The following SLC36A1 variants were observed in gnomAD, a reference collection of about 807,000 sequenced individuals.
SLC36A1 encodes proton-coupled amino acid transporter 1.
Under a neutral mutation model 47.5 loss-of-function variants are expected in SLC36A1, and 30 were observed. That is an observed-to-expected ratio of 0.63 (90% confidence interval 0.47 to 0.86). SLC36A1 has a LOEUF of 0.86. SLC36A1 is among the 40% of genes least tolerant of loss of function. The pLI is 0.00. For missense variants in SLC36A1, 517 were observed against 606.0 expected, an observed-to-expected ratio of 0.85 and a Z score of 1.54; for synonymous variants, 255 against 249.7, an observed-to-expected ratio of 1.02 and a Z score of -0.20.
rs1329901405 is a variant in SLC36A1, at chr5:151,476,708, T to C, written c.941T>C (p.Phe314Ser). The C allele has an allele frequency of 6.2e-7, 1 of 1,613,292 alleles. No homozygotes were observed. Among genetic ancestry groups the C allele is most frequent in the East Asian group, 2.2e-5 (1 of 44,876 alleles). ...ISLGCLGYLQFGANIQGSITL... is the reference protein window; with the variant it reads ...ISLGCLGYLQSGANIQGSITL... ...CTGGGGTGTCTGGGGTACCTGCAAT[T>C]TGGAGCTAATATCCAAGGCAGCATA... Residue 314 changes from phenylalanine (F) to serine (S), a missense_variant, in exon 9 of 11, where the codon TTT becomes TCT. Coordinates refer to ENST00000243389, the MANE Select transcript of SLC36A1 (RefSeq NM_078483.4).
the SLC36A1 span, chr5:151,549,502 G>A: frequency 1.9e-6 from 3 of 1,614,054 alleles, no homozygotes; most frequent in Non-Finnish European, 2.5e-6. Context: ...TCCTGGTCTC[G>A]GACCTATGGG....
chr5:151,347,231 G>A, the SLC36A1 span: 1 of 1,595,804 alleles, frequency 6.3e-7, no homozygotes, highest in Non-Finnish European at 8.6e-7. Flanking sequence ...ACCCACCTCA[G>A]GGTTTTTGCC....
At chr5:151,543,675 G>A in the SLC36A1 span, 6 of 1,614,038 alleles carry the variant, frequency 3.7e-6, no homozygotes, top group Admixed American at 1.7e-5. Context: ...CCTCATAAAG[G>A]TGCTGCTGGA....
upstream of SLC36A1, among the ~76,000 whole-genome samples, chr5:151,436,050 T>TA (rs1184061227): frequency 5.9e-5 from 9 of 151,920 alleles, no homozygotes; most frequent in East Asian, 1.7e-3. Flanking sequence ...ACCTACTATG[T>TA]AATAGGCAAT....
At chr5:151,553,322 G>A in the SLC36A1 span, 1 of 1,614,272 alleles carries the variant, frequency 6.2e-7, no homozygotes, top group Non-Finnish European at 8.5e-7. Flanking sequence ...GGGGCCAAGG[G>A]ATCCACTCAA....
the SLC36A1 span, among the ~76,000 whole-genome samples, chr5:151,362,252 CT>C: frequency 7.9e-3 from 1,195 of 152,052 alleles, 4 homozygotes; most frequent in Non-Finnish European, 0.01. Context: ...ATTCTGTTTT[CT>C]TTTTTTCCCC....
chr5:151,361,712 G>GT, the SLC36A1 span, among the ~76,000 whole-genome samples: 1 of 151,996 alleles, frequency 6.6e-6, no homozygotes, highest in Non-Finnish European at 1.5e-5. Context: ...AGATATTAGT[G>GT]TTTTTTTCTT....
chr5:151,452,645 G>A (rs1192587813), intron 1 of SLC36A1, among the ~76,000 whole-genome samples: 2 of 152,154 alleles, frequency 1.3e-5, no homozygotes, highest in African/African-American at 4.8e-5. Flanking sequence ...GAGACAGGTG[G>A]ATCCCTTGAG....
upstream of SLC36A1, among the ~76,000 whole-genome samples, chr5:151,445,960 G>GT (rs1752892415): frequency 6.7e-6 from 1 of 148,864 alleles, no homozygotes; most frequent in Non-Finnish European, 1.5e-5. Context: ...TTTTTTTTCT[G>GT]TTGTCTATTT....
chr5:151,445,028 A>G (rs1298720336), upstream of SLC36A1, among the ~76,000 whole-genome samples: 1 of 151,882 alleles, frequency 6.6e-6, no homozygotes, highest in Non-Finnish European at 1.5e-5. Flanking sequence ...CTGCTACTGG[A>G]TCTTGGTGGA....
At chr5:151,516,698 T>C in the SLC36A1 span, among the ~76,000 whole-genome samples, 1 of 152,232 alleles carries the variant, frequency 6.6e-6, no homozygotes, top group Non-Finnish European at 1.5e-5. Context: ...TCTGTCTTTT[T>C]CACTGATGAG....
At chr5:151,392,996 G>A in the SLC36A1 span, among the ~76,000 whole-genome samples, 1 of 152,004 alleles carries the variant, frequency 6.6e-6, no homozygotes, top group Non-Finnish European at 1.5e-5. Flanking sequence ...AATGTTGACA[G>A]TGGGGTATTA....
the SLC36A1 span, chr5:151,534,696 C>A: frequency 1.1e-5 from 16 of 1,476,918 alleles, no homozygotes; most frequent in African/African-American, 2.8e-5. Context: ...ATTACCCAAG[C>A]ATGTGCCCTC....
At chr5:151,359,616 C>G in the SLC36A1 span, among the ~76,000 whole-genome samples, 1 of 152,210 alleles carries the variant, frequency 6.6e-6, no homozygotes, top group Non-Finnish European at 1.5e-5. Flanking sequence ...TCAATCACAC[C>G]TAATAGTCTC....
intron 9 of SLC36A1, among the ~76,000 whole-genome samples, chr5:151,478,848 T>C (rs1581197296): frequency 6.6e-6 from 1 of 152,074 alleles, no homozygotes; most frequent in Admixed American, 6.5e-5. Context: ...TTAAGACAAA[T>C]TGTAGCACTC....
chr5:151,442,486 T>C (rs1050140091), intron 1 of SLC36A1, among the ~76,000 whole-genome samples: 3 of 152,202 alleles, frequency 2.0e-5, no homozygotes, highest in African/African-American at 7.2e-5. Context: ...CAAACGCTTA[T>C]TTCTTTGTGT....
chr5:151,475,888 A>G (rs1757982572), intron 8 of SLC36A1, among the ~76,000 whole-genome samples: 1 of 152,226 alleles, frequency 6.6e-6, no homozygotes, highest in African/African-American at 2.4e-5. Context: ...CCTCACAGTC[A>G]CACCTGCCAT....
chr5:151,367,995 CCA>C, the SLC36A1 span, among the ~76,000 whole-genome samples: 2 of 152,100 alleles, frequency 1.3e-5, no homozygotes, highest in Non-Finnish European at 1.5e-5. Context: ...GCGTTGGACC[CCA>C]GTTATGTACA....
chr5:151,459,343 G>A (rs978938127), intron 2 of SLC36A1, among the ~76,000 whole-genome samples: 1 of 152,168 alleles, frequency 6.6e-6, no homozygotes, highest in Non-Finnish European at 1.5e-5. Flanking sequence ...TGAAGAAGTG[G>A]GAAGAGAGAA....
Sources: allele counts gnomAD v4.1 joint callset (sites outside exome capture counted in the v4.1 genomes callset), GRCh38; gene constraint gnomAD v4.1.1; transcripts MANE v1.5; gene names NCBI Gene and HGNC (gene_info 2026-07-23, HGNC 2026-07-21).